The following RABGAP1 variants were observed in gnomAD, a reference collection of about 807,000 sequenced individuals.
The protein encoded by RABGAP1 is RAB GTPase activating protein 1.
A neutral mutation model predicts 137.6 loss-of-function variants in RABGAP1; 23 were observed. The observed-to-expected ratio is 0.17, with a 90% CI of 0.12 to 0.24. RABGAP1 has a LOEUF of 0.24. RABGAP1 is among the 10% of genes least tolerant of loss of function. RABGAP1 has a pLI of 1.00. For synonymous variants in RABGAP1, 451 were observed against 450.7 expected, an observed-to-expected ratio of 1.00 and a Z score of -0.01; for missense variants, 906 against 1,275.8, an observed-to-expected ratio of 0.71 and a Z score of 4.42.
chr9:122,990,324 T>A (rs928881033), intron 6 of RABGAP1, 111 bp downstream of exon 6: 3 of 953,806 alleles, frequency 3.1e-6, no homozygotes, highest in South Asian at 2.6e-5. Context: ...GGAGGGCTTT[T>A]AAAAAAAATC....
intron 1 of RABGAP1, among the ~76,000 whole-genome samples, chr9:122,942,978 C>T (rs769408409): frequency 6.6e-6 from 1 of 151,608 alleles, no homozygotes; most frequent in Non-Finnish European, 1.5e-5. Context: ...TGCCACTGCA[C>T]TCTAGCCTGG....
chr9:122,935,034 A>C, the RABGAP1 span, among the ~76,000 whole-genome samples: 3 of 152,036 alleles, frequency 2.0e-5, no homozygotes, highest in African/African-American at 7.2e-5. Context: ...TCACTTCTCT[A>C]TTTGTGTTTT....
upstream of RABGAP1, chr9:122,939,882 G>A (rs1431936128): frequency 2.6e-5 from 4 of 152,136 alleles, no homozygotes; most frequent in African/African-American, 4.8e-5. Context: ...CTGGTTGATC[G>A]GGATGCATTA....
chr9:123,094,464 T>G (rs547328356), intron 21 of RABGAP1, among the ~76,000 whole-genome samples: 1 of 152,230 alleles, frequency 6.6e-6, no homozygotes, highest in Non-Finnish European at 1.5e-5. Context: ...CTCCTTAATT[T>G]TGTTAATATA....
intron 21 of RABGAP1, among the ~76,000 whole-genome samples, chr9:123,095,331 G>A (rs1475164682): frequency 6.7e-6 from 1 of 148,766 alleles, no homozygotes. Flanking sequence ...GGTTTCATTT[G>A]CTCTTTTTCT....
chr9:123,024,042 G>A (rs1423134220), intron 13 of RABGAP1, among the ~76,000 whole-genome samples: 1 of 152,020 alleles, frequency 6.6e-6, no homozygotes, highest in Non-Finnish European at 1.5e-5. Flanking sequence ...GGTACATGTG[G>A]GAAATTTTCA....
intron 13 of RABGAP1, among the ~76,000 whole-genome samples, chr9:123,040,243 C>CTT (rs2032886967): frequency 6.6e-6 from 1 of 152,156 alleles, no homozygotes. Context: ...CCCCACAGCA[C>CTT]TGTTTTTTGT....
intron 4 of RABGAP1, among the ~76,000 whole-genome samples, chr9:122,987,988 G>A (rs1836454775): frequency 6.6e-6 from 1 of 152,086 alleles, no homozygotes; most frequent in Non-Finnish European, 1.5e-5. Context: ...TGTGTTGATT[G>A]TAGTAAAATA....
chr9:123,010,596 CA>C (rs1564130655), intron 11 of RABGAP1, 68 bp downstream of exon 11: 5 of 1,422,492 alleles, frequency 3.5e-6, no homozygotes, highest in African/African-American at 1.4e-5. Flanking sequence ...AAAATCGTAT[CA>C]GGGGATTGAT....
intron 13 of RABGAP1, among the ~76,000 whole-genome samples, chr9:123,026,607 T>A (rs769488227): frequency 1.8e-4 from 27 of 152,186 alleles, no homozygotes; most frequent in South Asian, 4.1e-4. Context: ...AGGTAGAACT[T>A]GTCAGACTCA....
chr9:123,057,273 G>A (rs1185599449), intron 13 of RABGAP1, among the ~76,000 whole-genome samples: 43 of 149,474 alleles, frequency 2.9e-4, no homozygotes, highest in African/African-American at 7.9e-4. Flanking sequence ...GCTGCTGGGC[G>A]GAGGGGCTCC....
upstream of RABGAP1, chr9:122,938,944 A>G (rs1833437345): frequency 6.6e-6 from 1 of 152,146 alleles, no homozygotes; most frequent in Non-Finnish European, 1.5e-5. Flanking sequence ...AGAATCTTTT[A>G]ATTTTTTTTT....
chr9:122,997,106 A>G (rs1211444549), intron 8 of RABGAP1, 153 bp from the exon 9 acceptor site: 4 of 616,662 alleles, frequency 6.5e-6, no homozygotes, highest in Middle Eastern at 5.1e-4. Flanking sequence ...TAATTGTCAC[A>G]TTTTTTACCA....
intron 15 of RABGAP1, among the ~76,000 whole-genome samples, chr9:123,072,384 G>A (rs1051149017): frequency 3.3e-5 from 5 of 152,104 alleles, no homozygotes; most frequent in African/African-American, 1.2e-4. Context: ...TTGTTTTGTT[G>A]TTTTAATGAG....
intron 6 of RABGAP1, 35 bp from the exon 7 acceptor site, chr9:122,996,006 G>A (rs370580802): frequency 6.4e-7 from 1 of 1,550,702 alleles, no homozygotes. Flanking sequence ...ACAAGAAAAT[G>A]CTTTGCAAAA....
intron 12 of RABGAP1, among the ~76,000 whole-genome samples, chr9:123,017,633 TAACTC>T (rs990986504): frequency 7.9e-5 from 12 of 152,350 alleles, no homozygotes; most frequent in African/African-American, 2.9e-4. Flanking sequence ...ACAAGTCACT[TAACTC>T]TTTTGAGTCT....
At chr9:122,969,882 A>C (rs1234805106) in intron 2 of RABGAP1, among the ~76,000 whole-genome samples, 1 of 151,998 alleles carries the variant, frequency 6.6e-6, no homozygotes, top group African/African-American at 2.4e-5. Flanking sequence ...ACATTTAATA[A>C]ATTCCAAGGC....
At chr9:123,096,163 ACT>A (rs1306313781) in intron 21 of RABGAP1, among the ~76,000 whole-genome samples, 4 of 152,036 alleles carry the variant, frequency 2.6e-5, no homozygotes, top group African/African-American at 7.3e-5. Context: ...AGGTTCTGTG[ACT>A]CTAACTGTGC....
intron 2 of RABGAP1, among the ~76,000 whole-genome samples, chr9:122,965,193 C>T (rs1006820627): frequency 6.6e-6 from 1 of 151,968 alleles, no homozygotes; most frequent in Non-Finnish European, 1.5e-5. Context: ...ATAGATGAAC[C>T]TTAAGAACAT....
Sources: gnomAD v4.1 joint callset for allele counts (sites outside exome capture counted in the v4.1 genomes callset) on GRCh38, gnomAD v4.1.1 for gene constraint, MANE v1.5 for transcripts, NCBI Gene and HGNC (gene_info 2026-07-23, HGNC 2026-07-21) for gene names.